VWDE: variants seen among roughly 807,000 people sequenced by gnomAD.
VWDE encodes the protein von Willebrand factor D and EGF domain-containing protein.
In VWDE, 207 loss-of-function variants were observed where a neutral mutation model predicts 178.4. That is an observed-to-expected ratio of 1.16 (90% confidence interval 1.04 to 1.30). The LOEUF (loss-of-function observed/expected upper bound fraction) is 1.30, where lower values mean the gene tolerates loss of function less well. Ranked by LOEUF, VWDE falls within the 50% of genes most tolerant of loss-of-function variation. VWDE has a pLI of 0.00. For synonymous variants in VWDE, 738 were observed against 651.4 expected, an observed-to-expected ratio of 1.13 and a Z score of -2.02; for missense variants, 2,287 against 1,901.3, an observed-to-expected ratio of 1.20 and a Z score of -3.77.
intron 24 of VWDE, among the ~76,000 whole-genome samples, chr7:12,338,814 TA>T (rs558406302): frequency 2.6e-5 from 4 of 152,286 alleles, no homozygotes; most frequent in Admixed American, 2.6e-4. Flanking sequence ...CCATACATCC[TA>T]AGCCTTGCTT....
At chr7:12,336,102 T>C in intron 27 of VWDE, 39 bp downstream of exon 27, 6 of 1,501,824 alleles carry the variant, frequency 4.0e-6, no homozygotes, top group Non-Finnish European at 5.4e-6. Flanking sequence ...CAGATTCCAA[T>C]TCAGAACATA....
At chr7:12,373,293 T>G in intron 9 of VWDE, 46 bp from the exon 10 acceptor site, 1 of 1,524,432 alleles carries the variant, frequency 6.6e-7, no homozygotes, top group Non-Finnish European at 8.9e-7. Context: ...GTGTAAAATA[T>G]CACAATAGTA....
intron 13 of VWDE, among the ~76,000 whole-genome samples, chr7:12,366,762 TAG>T (rs1248229738): frequency 5.3e-5 from 8 of 152,120 alleles, no homozygotes; most frequent in African/African-American, 1.2e-4. Context: ...TTGAAATTCA[TAG>T]AGTCATCCTT....
intron 3 of VWDE, among the ~76,000 whole-genome samples, chr7:12,385,909 G>GTGGA (rs1483154931): frequency 3.9e-5 from 6 of 152,178 alleles, no homozygotes; most frequent in Non-Finnish European, 5.9e-5. Flanking sequence ...AGGAAATCAA[G>GTGGA]TGGATGATAG....
chr7:12,370,991 T>G (rs2128555853), intron 10 of VWDE, 127 bp from the exon 11 acceptor site: 1 of 781,658 alleles, frequency 1.3e-6, no homozygotes, highest in African/African-American at 1.8e-5. Context: ...AATAAAATAC[T>G]GATTTTCTTG....
At chr7:12,377,288 G>A (rs1191996623) in intron 7 of VWDE, among the ~76,000 whole-genome samples, 1 of 152,090 alleles carries the variant, frequency 6.6e-6, no homozygotes, top group Non-Finnish European at 1.5e-5. Context: ...TAAGACACAA[G>A]ATCCCAAACA....
chr7:12,373,200 A>C lies in VWDE; in HGVS notation c.1364T>G (p.Met455Arg), dbSNP rs1013321377. The change falls in exon 10 of 29, where the codon ATG (methionine) becomes AGG (arginine). Residue 455 changes from methionine (M) to arginine (R), a missense_variant. Transcript: ENST00000275358. Reference sequence around the variant, plus strand: ...TACATGGACTTCAAAATCACGTGACATACTCTTATAAAGCACAAATGTTCC... The same window carrying C: ...TACATGGACTTCAAAATCACGTGACCTACTCTTATAAAGCACAAATGTTCC... ...KTGTFVLYKS[M>R]SRDFEVHVRQ... The C allele has an allele frequency of 1.3e-6, 2 of 1,551,344 alleles. No individual in the cohort carries two copies. The highest frequency in any genetic ancestry group is 2.0e-5 in the Admixed American group (1 of 50,970).
chr7:12,379,570 T>C lies in VWDE; in HGVS notation c.790-4A>G, dbSNP rs769602966. 3.9e-5 allele frequency: 59 copies of C among 1,525,988 alleles called. No individual in the cohort carries two copies. The highest frequency in any genetic ancestry group is 7.0e-5 in the African/African-American group (5 of 71,758). The allele number at this position is 1,525,988 out of a possible 1,614,324, so 94.5% of individuals were successfully genotyped here. A position where few individuals can be genotyped will look rare whatever the true frequency, so the allele number is the denominator to read the frequency against. ...AGACAGAAGCGCTGCAGAATATCTA[T>C]GGATATAATTAAAAAATAATCACTT... On this transcript the variant is annotated splice_region_variant and splice_polypyrimidine_tract_variant and intron_variant, in intron 5 of 28. Coordinates refer to ENST00000275358, the MANE Select transcript of VWDE (RefSeq NM_001135924.3).
rs188753095 is a variant in VWDE at position 12,372,903 on chromosome 7, C to T, written c.1587+74G>A. ...AAACTAATGTTGAAAAATGATAGCT[C>T]CTAATTTAATAGAGATGTTTATCTG... On this transcript the variant is annotated intron_variant, in intron 10 of 28. Transcript: ENST00000275358. 516 of 1,379,150 alleles carry T rather than the reference C, an allele frequency of 3.7e-4. No homozygotes were observed. In the African/African-American group the frequency reaches 6.6e-3, roughly 18 times the overall value. 85.4% of individuals were successfully genotyped at this position (1,379,150 alleles called of 1,614,324 possible). A position where few individuals can be genotyped will look rare whatever the true frequency, so the allele number is the denominator to read the frequency against.
chr7:12,375,170 T>C lies in VWDE; in HGVS notation c.1082A>G (p.Gln361Arg), dbSNP rs971327824. 2.6e-6 allele frequency: 4 copies of C among 1,551,242 alleles called. No homozygotes were observed. Among genetic ancestry groups the C allele is most frequent in the Non-Finnish European group, 2.6e-6 (3 of 1,146,626 alleles). Residue 361 changes from glutamine (Q) to arginine (R), a missense_variant, in exon 8 of 29, where the codon CAG (glutamine) becomes CGG (arginine). Transcript: ENST00000275358. ...ALSSCHVDLL[Q>R]TSSCANGTCS... ...GGTTCCATTAGCACAGGAAGATGTC[T>C]GGAGAAGGTCCACATGACAGGAAGA...
At chr7:12,398,459 C>T (rs1190454916) in intron 1 of VWDE, among the ~76,000 whole-genome samples, 1 of 152,174 alleles carries the variant, frequency 6.6e-6, no homozygotes, top group Non-Finnish European at 1.5e-5. Context: ...TGTTGACCAA[C>T]TCATCTTCCT....
At chr7:12,372,177 T>C (rs1262948886) in intron 10 of VWDE, among the ~76,000 whole-genome samples, 1 of 152,100 alleles carries the variant, frequency 6.6e-6, no homozygotes, top group Non-Finnish European at 1.5e-5. Context: ...TGAAAAGGTT[T>C]TTTTATATTA....
intron 12 of VWDE, among the ~76,000 whole-genome samples, chr7:12,368,201 C>T (rs2128555016): frequency 6.7e-6 from 1 of 148,374 alleles, no homozygotes; most frequent in South Asian, 2.2e-4. Flanking sequence ...ACAAAAGTTT[C>T]TGCCTTCATG....
At chr7:12,402,971 A>C (rs1169120986) in intron 1 of VWDE, among the ~76,000 whole-genome samples, 1 of 152,164 alleles carries the variant, frequency 6.6e-6, no homozygotes, top group African/African-American at 2.4e-5. Context: ...TTTCATTAAT[A>C]TTCCTATCTG....
intron 13 of VWDE, among the ~76,000 whole-genome samples, chr7:12,365,692 T>C (rs940133197): frequency 2.6e-5 from 4 of 151,946 alleles, no homozygotes; most frequent in African/African-American, 9.7e-5. Context: ...GATCCTAAAA[T>C]AGTGGCACAT....
At position 12,370,747 on chromosome 7, in the gene VWDE, C is replaced by T. The variant is rs766042516; in HGVS notation, c.1705G>A (p.Asp569Asn). 6.4e-7 allele frequency: 1 copy of T among 1,551,182 alleles called. No homozygotes were observed. Among genetic ancestry groups the T allele is most frequent in the South Asian group, 1.2e-5 (1 of 84,046 alleles). ...TGGAAATCATTTTCCGGATTTTCAT[C>T]AAAGGTTCCACAAAGTCCCAGAGTG... ...RNTLGLCGTF[D>N]ENPENDFHDK... The change falls in exon 11 of 29, where the codon GAT becomes AAT. Residue 569 changes from aspartate (D) to asparagine (N), a missense_variant. Asp to Asn is a conservative substitution (Grantham distance 23, BLOSUM62 1). Transcript: ENST00000275358.
intron 23 of VWDE, among the ~76,000 whole-genome samples, chr7:12,341,129 T>TTTTTATAA (rs1414818801): frequency 6.6e-6 from 1 of 152,016 alleles, no homozygotes; most frequent in African/African-American, 2.4e-5. Flanking sequence ...ATCATAGTCT[T>TTTTTATAA]TTTTATAATT....
chr7:12,369,620 C>T lies in VWDE; in HGVS notation c.2686G>A (p.Gly896Ser), dbSNP rs372385330. Reference sequence around the variant, plus strand: ...CCCCATTCCATGCACTGCCCATTGCCGCTGCATAAATTGGGGCATTTTAAT... The same window carrying T: ...CCCCATTCCATGCACTGCCCATTGCTGCTGCATAAATTGGGGCATTTTAAT... Reference protein sequence around the residue: ...SVLKCPNLCSGNGQCMEWGCA... With the variant: ...SVLKCPNLCSSNGQCMEWGCA... Residue 896 changes from glycine to serine, a missense_variant, in exon 12 of 29, where the codon GGC (glycine) becomes AGC (serine). By Grantham distance (56) the Gly-to-Ser change is moderately conservative. Coordinates refer to ENST00000275358, the MANE Select transcript of VWDE (RefSeq NM_001135924.3). 68 of 1,551,420 alleles carry T rather than the reference C, an allele frequency of 4.4e-5. No homozygotes were observed. In the African/African-American group the frequency reaches 7.2e-4, roughly 17 times the overall value.
Position 12,370,696 on chromosome 7 carries a change from G to A in VWDE, c.1756C>T (p.Gln586Ter). The stretch of plus-strand genomic sequence containing the variant: ...AAAGCAACATAATTGTTAAAATTTT[G>A]ATCAATTTGCATCCCATTTTTGTCA... The part of the protein sequence containing the change: ...FHDKNGMQID[Q>*]NFNNYVAFIN... Residue 586 changes from glutamine (Q) to a stop codon, truncating the protein, a stop_gained, in exon 11 of 29, where the codon CAA becomes TAA. Transcript: ENST00000275358. LOFTEE classifies it high-confidence loss of function. 1 of 1,550,962 alleles carries A rather than the reference G, an allele frequency of 6.4e-7. No homozygotes were observed. The highest frequency in any genetic ancestry group is 2.0e-5 in the Admixed American group (1 of 50,936).
Sources: allele counts gnomAD v4.1 joint callset (sites outside exome capture counted in the v4.1 genomes callset), GRCh38; gene constraint gnomAD v4.1.1; transcripts MANE v1.5; gene names NCBI Gene and HGNC (gene_info 2026-07-23, HGNC 2026-07-21).